The following INPP4A variants were observed in gnomAD, a reference collection of about 807,000 sequenced individuals.
INPP4A encodes the protein inositol polyphosphate-4-phosphatase type I A, also known as inositol polyphosphate-4-phosphatase, type I, 107kD.
Under a neutral mutation model 119.8 loss-of-function variants are expected in INPP4A, and 33 were observed. The ratio of observed to expected loss-of-function variants is 0.28; its 90% CI spans 0.21 to 0.37. The LOEUF is 0.37. INPP4A is among the 10% of genes least tolerant of loss of function. The pLI is 1.00. For synonymous variants in INPP4A, 496 were observed against 500.7 expected, an observed-to-expected ratio of 0.99 and a Z score of 0.12; for missense variants, 956 against 1,289.9, an observed-to-expected ratio of 0.74 and a Z score of 3.97.
rs769644588 is a variant in INPP4A at position 98,520,075 on chromosome 2, C to T, written c.27C>T (p.Arg9=). Residue 9 remains arginine, a synonymous_variant, in exon 3 of 25, where the codon CGC becomes CGT. Coordinates refer to ENST00000409851, the MANE Select transcript of INPP4A (RefSeq NM_001134225.2). ...TGACAGCAAGAGAGCACAGCCCTCG[C>T]CATGGTGCCAGGGCCCGTGCAATGC... The part of the protein sequence containing the change: MTAREHSP[R]HGARARAMQR... 1 of 1,583,946 alleles carries T rather than the reference C, an allele frequency of 6.3e-7. No homozygotes were observed.
At chr2:98,578,260 G>T (rs891954019) in intron 24 of INPP4A, among the ~76,000 whole-genome samples, 3 of 152,206 alleles carry the variant, frequency 2.0e-5, no homozygotes, top group Non-Finnish European at 4.4e-5. Context: ...CTGATGTCCA[G>T]TGTGACCCTG....
chr2:98,488,059 G>C (rs1026241742), intron 1 of INPP4A, among the ~76,000 whole-genome samples: 1 of 152,110 alleles, frequency 6.6e-6, no homozygotes, highest in African/African-American at 2.4e-5. Flanking sequence ...CCAGTACTAG[G>C]GTATTCATTG....
chr2:98,584,440 C>T (rs375201311), intron 24 of INPP4A, among the ~76,000 whole-genome samples: 3 of 152,378 alleles, frequency 2.0e-5, no homozygotes, highest in East Asian at 3.9e-4. Flanking sequence ...ACCCCTCCCT[C>T]TCCCAGGGCT....
At chr2:98,494,126 G>A (rs1299266111) in intron 1 of INPP4A, among the ~76,000 whole-genome samples, 1 of 152,178 alleles carries the variant, frequency 6.6e-6, no homozygotes, top group Non-Finnish European at 1.5e-5. Flanking sequence ...CTCAGCATGA[G>A]AGAAGCTATG....
At chr2:98,555,866 A>G in intron 16 of INPP4A, 58 bp downstream of exon 16, 2 of 1,501,752 alleles carry the variant, frequency 1.3e-6, no homozygotes, top group East Asian at 2.5e-5. Context: ...TGCTGCTTCC[A>G]TTTGTCTGTG....
chr2:98,535,901 A>G lies in INPP4A; in HGVS notation c.387+56A>G, dbSNP rs962832197. ...TTCTTCCCTTTGAAAAAATTATATA[A>G]TCGTTTGAATGAGAGATGAACACAG... is the stretch of plus-strand genomic sequence containing the variant. On this transcript the variant is annotated intron_variant, in intron 6 of 24. Transcript: ENST00000409851. 4 of 878,024 alleles carry G rather than the reference A, an allele frequency of 4.6e-6. No homozygotes were observed. The African/African-American group carries it at 6.7e-5, about 15-fold the overall frequency. The allele number at this position is 878,024 out of a possible 1,614,324, so 54.4% of individuals were successfully genotyped here. A position where few individuals can be genotyped will look rare whatever the true frequency, so the allele number is the denominator to read the frequency against.
At chr2:98,557,613 G>T (rs986333890) in intron 16 of INPP4A, among the ~76,000 whole-genome samples, 1 of 152,222 alleles carries the variant, frequency 6.6e-6, no homozygotes, top group African/African-American at 2.4e-5. Context: ...GCTCTGAAAG[G>T]CATCATCACT....
chr2:98,576,882 T>A lies in INPP4A; in HGVS notation c.2632-107T>A, dbSNP rs1260786941. 3 of 1,376,620 alleles carry A rather than the reference T, an allele frequency of 2.2e-6. No homozygotes were observed. The African/African-American group carries it at 4.3e-5, about 20-fold the overall frequency. The allele number at this position is 1,376,620 out of a possible 1,614,324, so 85.3% of individuals were successfully genotyped here. ...TCTGGCCAGGCCTGGGTGTTGAGTT[T>A]CTGTTCCTGCCCTTGCTGGGCTGGT... On this transcript the variant is annotated intron_variant, in intron 23 of 24. Transcript: ENST00000409851.
At chr2:98,509,208 A>G (rs1252640729) in intron 1 of INPP4A, among the ~76,000 whole-genome samples, 2 of 152,330 alleles carry the variant, frequency 1.3e-5, no homozygotes, top group East Asian at 1.9e-4. Context: ...TTGTTAAAGC[A>G]GGAGTCCACA....
chr2:98,479,592 G>T (rs1453469219), intron 1 of INPP4A, among the ~76,000 whole-genome samples: 1 of 152,136 alleles, frequency 6.6e-6, no homozygotes, highest in Non-Finnish European at 1.5e-5. Context: ...CGTATAACCT[G>T]CAGCCCACAG....
intron 1 of INPP4A, among the ~76,000 whole-genome samples, chr2:98,445,637 GTC>G (rs1694058612): frequency 6.6e-6 from 1 of 152,232 alleles, no homozygotes; most frequent in African/African-American, 2.4e-5. Flanking sequence ...ATCTGTGGCT[GTC>G]TCTTGAAAAG....
At chr2:98,538,867 G>T (rs1231661524) in intron 8 of INPP4A, 24 bp from the exon 9 acceptor site, 1 of 1,428,686 alleles carries the variant, frequency 7.0e-7, no homozygotes, top group Non-Finnish European at 9.9e-7. Flanking sequence ...CAGTTTTCTT[G>T]TGCATTTCCT....
rs536366550 is a variant in INPP4A at position 98,500,101 on chromosome 2, G to A, written c.-165-18863G>A. On this transcript the variant is annotated intron_variant, in intron 1 of 24. Transcript: ENST00000409851. The stretch of plus-strand genomic sequence containing the variant: ...TAATCCTAACTCCTACCTTTTTAAG[G>A]TAGTTTTGCCCGTGTATCTCATTTG... Among the ~76,000 whole-genome samples, 217 of 152,280 alleles carry A rather than the reference G, an allele frequency of 1.4e-3. 1 individual carries two copies. Among genetic ancestry groups the A allele is most frequent in the African/African-American group, 5.0e-3 (206 of 41,546 alleles).
intron 1 of INPP4A, among the ~76,000 whole-genome samples, chr2:98,461,400 G>A (rs1697129367): frequency 1.3e-5 from 2 of 152,216 alleles, no homozygotes; most frequent in African/African-American, 4.8e-5. Context: ...CTTTGATTCT[G>A]TCACCTGCAG....
chr2:98,543,848 A>G (rs766171681), intron 10 of INPP4A, 29 bp from the exon 11 acceptor site: 5 of 1,612,396 alleles, frequency 3.1e-6, no homozygotes, highest in Non-Finnish European at 4.2e-6. Context: ...GTTAGCCCAC[A>G]GCCTGATGCA....
At chr2:98,544,058 C>G (rs551609680) in intron 11 of INPP4A, 51 bp downstream of exon 11, 1 of 1,497,436 alleles carries the variant, frequency 6.7e-7, no homozygotes, top group Non-Finnish European at 9.1e-7. Flanking sequence ...CACACACACA[C>G]ACACACTCTC....
At chr2:98,525,346 A>G (rs1297741883) in intron 4 of INPP4A, among the ~76,000 whole-genome samples, 2 of 152,044 alleles carry the variant, frequency 1.3e-5, no homozygotes, top group Admixed American at 6.5e-5. Flanking sequence ...TTCCTCTTCT[A>G]TTTTTAAGGG....
intron 4 of INPP4A, among the ~76,000 whole-genome samples, chr2:98,524,843 A>G (rs1225950394): frequency 1.3e-5 from 2 of 152,236 alleles, no homozygotes; most frequent in African/African-American, 4.8e-5. Context: ...TTTCAAACTC[A>G]GGGTAGGCAA....
At chr2:98,543,107 A>G (rs1691810146) in intron 10 of INPP4A, among the ~76,000 whole-genome samples, 2 of 152,094 alleles carry the variant, frequency 1.3e-5, no homozygotes, top group Admixed American at 6.6e-5. Flanking sequence ...TTTTTAGTAG[A>G]GACGGGGTTT....
Sources: gnomAD v4.1 joint callset for allele counts (sites outside exome capture counted in the v4.1 genomes callset) on GRCh38, gnomAD v4.1.1 for gene constraint, MANE v1.5 for transcripts, NCBI Gene and HGNC (gene_info 2026-07-23, HGNC 2026-07-21) for gene names.